Variants in HABP4 observed in about 807,000 individuals in gnomAD.
HABP4 encodes the protein intracellular hyaluronan-binding protein 4.
Under a neutral mutation model 44.1 loss-of-function variants are expected in HABP4, and 32 were observed. The ratio of observed to expected loss-of-function variants is 0.73; its 90% confidence interval spans 0.55 to 0.97. The LOEUF (loss-of-function observed/expected upper bound fraction) is 0.97. Ranked by LOEUF, HABP4 falls within the 50% of genes least tolerant of loss-of-function variation. The pLI is 0.00. For missense variants in HABP4, 503 were observed against 561.9 expected, an observed-to-expected ratio of 0.90 and a Z score of 1.06; for synonymous variants, 216 against 218.0, an observed-to-expected ratio of 0.99 and a Z score of 0.08.
intron 6 of HABP4, among the ~76,000 whole-genome samples, chr9:96,487,336 A>C (rs113491753): frequency 1.3e-5 from 2 of 151,986 alleles, no homozygotes; most frequent in African/African-American, 4.8e-5. Context: ...TGTGTGTGTG[A>C]TACCCATTAT....
In HABP4 at chr9:96,465,343, T is replaced by TTTAG. The variant is rs766267090; in HGVS notation, c.519_520insTTAG (p.Asp174LeufsTer3). On this transcript the variant is annotated frameshift_variant, in exon 3 of 8. Transcript: ENST00000375249. LOFTEE classifies it high-confidence loss of function. ...TATATCCACTCCTTCCTAGACCAGG[T>TTTAG]GATAGGTTTGATCGAGACAGACCGT... The TTTAG allele has an allele frequency of 2.5e-6, 4 of 1,606,056 alleles. No individual in the cohort carries two copies. Among genetic ancestry groups the TTTAG allele is most frequent in the Non-Finnish European group, 3.4e-6 (4 of 1,172,782 alleles).
intron 2 of HABP4, among the ~76,000 whole-genome samples, chr9:96,462,445 GTC>G (rs1832517802): frequency 6.6e-6 from 1 of 151,168 alleles, no homozygotes; most frequent in African/African-American, 2.4e-5. Context: ...ATGAGACTCT[GTC>G]TCTAAAAAAA....
intron 4 of HABP4, among the ~76,000 whole-genome samples, chr9:96,466,568 A>G (rs1178350671): frequency 6.6e-6 from 1 of 151,982 alleles, no homozygotes; most frequent in Non-Finnish European, 1.5e-5. Flanking sequence ...GATATTCTAT[A>G]TGTTTTTACC....
intron 1 of HABP4, among the ~76,000 whole-genome samples, chr9:96,452,537 G>C (rs1228291996): frequency 6.6e-6 from 1 of 151,948 alleles, no homozygotes; most frequent in South Asian, 2.1e-4. Flanking sequence ...TCTGTCAGTT[G>C]TTAGGTCTAA....
chr9:96,470,207 G>A (rs1186586308), intron 4 of HABP4, among the ~76,000 whole-genome samples: 1 of 152,140 alleles, frequency 6.6e-6, no homozygotes, highest in Admixed American at 6.5e-5. Flanking sequence ...TACTCCAGAG[G>A]CTGAGGTGGG....
At chr9:96,466,572 T>A (rs1832604597) in intron 4 of HABP4, among the ~76,000 whole-genome samples, 1 of 152,090 alleles carries the variant, frequency 6.6e-6, no homozygotes, top group South Asian at 2.1e-4. Flanking sequence ...TTCTATATGT[T>A]TTTACCTTTC....
rs769341472 is a variant in HABP4 at position 96,488,186 on chromosome 9, G to A, written c.1097G>A (p.Arg366His). 3.1e-6 allele frequency: 5 copies of A among 1,613,288 alleles called. No individual in the cohort carries two copies. Among genetic ancestry groups the A allele is most frequent in the African/African-American group, 1.3e-5 (1 of 75,024 alleles). ...GAGATTAATTTTGGTAACCTCCCTC[G>A]TCCTGGGCGTGGAGCCAGAGGAGGC... ...QLEINFGNLP[R>H]PGRGARGGTR... The change falls in exon 7 of 8, where the codon CGT becomes CAT. Residue 366 changes from arginine to histidine, a missense_variant. Coordinates refer to ENST00000375249, the MANE Select transcript of HABP4 (RefSeq NM_014282.4). The surrounding 1 kb of genome is among the most constrained non-coding windows in gnomAD (Gnocchi z 4.6).
chr9:96,462,114 C>G (rs1832509722), intron 2 of HABP4, among the ~76,000 whole-genome samples: 2 of 148,378 alleles, frequency 1.3e-5, no homozygotes, highest in Non-Finnish European at 3.0e-5. Flanking sequence ...CCACTGCAAT[C>G]TATCCTGTGT....
intron 1 of HABP4, among the ~76,000 whole-genome samples, chr9:96,451,009 T>C (rs1270787661): frequency 3.3e-5 from 5 of 151,788 alleles, no homozygotes; most frequent in Admixed American, 6.6e-5. Flanking sequence ...CTCTGCAAGA[T>C]TGAGGTCGGA....
chr9:96,484,789 T>C (rs187300000), intron 6 of HABP4, among the ~76,000 whole-genome samples, 156 bp downstream of exon 6: 3 of 152,288 alleles, frequency 2.0e-5, no homozygotes, highest in Non-Finnish European at 4.4e-5. Context: ...ACTGTATTGT[T>C]CATTAAGAAA....
intron 6 of HABP4, 143 bp downstream of exon 6, chr9:96,484,776 T>G: frequency 1.6e-6 from 1 of 628,236 alleles, no homozygotes. Context: ...CATGCCTAAT[T>G]TTACTGTATT....
intron 2 of HABP4, among the ~76,000 whole-genome samples, chr9:96,464,507 C>T (rs1416572165): frequency 6.6e-6 from 1 of 152,194 alleles, no homozygotes; most frequent in Non-Finnish European, 1.5e-5. Flanking sequence ...GAGAACTTTT[C>T]CCTTCTGTGA....
chr9:96,488,054 A>G lies in HABP4; in HGVS notation c.1000-35A>G. 1.4e-6 allele frequency: 2 copies of G among 1,475,284 alleles called. No homozygotes were observed. Among genetic ancestry groups the G allele is most frequent in the South Asian group, 1.2e-5 (1 of 86,290 alleles). 91.4% of individuals were successfully genotyped at this position (1,475,284 alleles called of 1,614,324 possible). On this transcript the variant is annotated intron_variant, in intron 6 of 7. Coordinates refer to ENST00000375249, the MANE Select transcript of HABP4 (RefSeq NM_014282.4). This position sits in a 1 kb window ranked among gnomAD's most constrained non-coding sequence, Gnocchi z 4.6. Reference sequence around the variant, plus strand: ...CAGATGAGTGTGGGGATGGCTGTGGACTTGTGCGTGTTTGATGCTGTAATT... The same window carrying G: ...CAGATGAGTGTGGGGATGGCTGTGGGCTTGTGCGTGTTTGATGCTGTAATT...
intron 7 of HABP4, among the ~76,000 whole-genome samples, chr9:96,489,593 C>T (rs752702360): frequency 6.6e-6 from 1 of 152,240 alleles, no homozygotes; most frequent in African/African-American, 2.4e-5. Flanking sequence ...CTTCCCAGGA[C>T]GTGTTAGTGA....
intron 2 of HABP4, among the ~76,000 whole-genome samples, chr9:96,460,298 C>A (rs763931670): frequency 3.9e-5 from 6 of 152,022 alleles, no homozygotes; most frequent in Non-Finnish European, 8.8e-5. Flanking sequence ...TCCATCTGCC[C>A]TTCGAGACCC....
At chr9:96,486,331 T>G (rs1305752833) in intron 6 of HABP4, among the ~76,000 whole-genome samples, 2 of 152,252 alleles carry the variant, frequency 1.3e-5, no homozygotes, top group Non-Finnish European at 1.5e-5. Flanking sequence ...GGAGCTTTAT[T>G]TCCCTGGCAA....
chr9:96,453,948 A>G (rs953323287), intron 1 of HABP4, among the ~76,000 whole-genome samples: 1 of 152,206 alleles, frequency 6.6e-6, no homozygotes, highest in Non-Finnish European at 1.5e-5. Context: ...ATGTTTGCCC[A>G]AAACTGATCA....
rs758428240 is a variant in HABP4, at chr9:96,461,301, T to TG, written c.512+2766dup. 5.9e-5 allele frequency among the ~76,000 whole-genome samples: 9 copies of TG among 151,990 alleles called. No individual in the cohort carries two copies. In the East Asian group the frequency reaches 1.5e-3, roughly 26 times the overall value. ...CAATTTGCTTAAAGCTTGTTAATAA[T>TG]GGGGGGAGGGTAAACATCTGAGGGA... On this transcript the variant is annotated intron_variant, in intron 2 of 7. Coordinates refer to ENST00000375249, the MANE Select transcript of HABP4 (RefSeq NM_014282.4).
At position 96,450,204 on chromosome 9, in the gene HABP4, ATGGGTCCTGGCCGCCGGCTTC is replaced by A. The variant is rs1832241045; in HGVS notation, c.-75_-55del. 3 of 1,221,830 alleles carry A rather than the reference ATGGGTCCTGGCCGCCGGCTTC, an allele frequency of 2.5e-6. No homozygotes were observed. Among genetic ancestry groups the A allele is most frequent in the African/African-American group, 3.2e-5 (2 of 62,246 alleles). 75.7% of individuals were successfully genotyped at this position (1,221,830 alleles called of 1,614,324 possible). On this transcript the variant is annotated 5_prime_UTR_variant, in exon 1 of 8. It removes an upstream start codon present in the reference 5' UTR. Transcript: ENST00000375249. This position sits in a 1 kb window ranked among gnomAD's most constrained non-coding sequence, Gnocchi z 4.8. ...GGGCGGTGGCGGCGGAGCGGGCGGC[ATGGGTCCTGGCCGCCGGCTTC>A]GCTGAGACGCGCTCGCGTGGGCTGC... is the stretch of plus-strand genomic sequence containing the variant.
Sources: allele counts gnomAD v4.1 joint callset (sites outside exome capture counted in the v4.1 genomes callset), GRCh38; gene constraint gnomAD v4.1.1; non-coding constraint Gnocchi (gnomAD v3.1); transcripts MANE v1.5; gene names NCBI Gene and HGNC (gene_info 2026-07-23, HGNC 2026-07-21).